LINGO2: variants seen among roughly 807,000 people sequenced by gnomAD.
LINGO2 encodes the protein leucine-rich repeat and immunoglobulin-like domain-containing nogo receptor-interacting protein 2.
LINGO2 carries 14 observed loss-of-function variants against 30.6 expected under a neutral mutation model. That is an observed-to-expected ratio of 0.46 (90% CI 0.30 to 0.72). LINGO2 has a LOEUF of 0.72. Among genes scored for constraint, LINGO2 ranks in the 30% least tolerant of loss-of-function variants. LINGO2 has a pLI of 0.07. For missense variants in LINGO2, 729 were observed against 751.7 expected (o/e 0.97, Z 0.35); for synonymous variants, 317 against 288.5 (o/e 1.10, Z -1.00).
At chr9:28,000,611 TCAGA>T (rs1821899429) in intron 5 of LINGO2, among the ~76,000 whole-genome samples, 1 of 152,194 alleles carries the variant, frequency 6.6e-6, no homozygotes, top group Non-Finnish European at 1.5e-5. Flanking sequence ...CCATATTCAA[TCAGA>T]CAAACATTTA....
the LINGO2 span, among the ~76,000 whole-genome samples, chr9:28,868,228 A>C: frequency 3.9e-5 from 6 of 152,082 alleles, no homozygotes; most frequent in Non-Finnish European, 8.8e-5. Context: ...CTTTCTGTGA[A>C]TAAGTCCTCA....
At chr9:28,859,147 A>G in the LINGO2 span, among the ~76,000 whole-genome samples, 1 of 152,096 alleles carries the variant, frequency 6.6e-6, no homozygotes, top group Non-Finnish European at 1.5e-5. Context: ...ATTTTCAAGA[A>G]TTTAAAGTTT....
intron 1 of LINGO2, among the ~76,000 whole-genome samples, chr9:28,622,566 A>G (rs1161494514): frequency 6.6e-6 from 1 of 151,978 alleles, no homozygotes; most frequent in Non-Finnish European, 1.5e-5. Flanking sequence ...CATTGTGCAT[A>G]TGTACCACAT....
chr9:28,215,421 T>C (rs1194453121), intron 4 of LINGO2, among the ~76,000 whole-genome samples: 1 of 151,810 alleles, frequency 6.6e-6, no homozygotes, highest in Non-Finnish European at 1.5e-5. Context: ...GGTAAAAATG[T>C]TGCGCATATA....
chr9:29,091,321 A>C, the LINGO2 span, among the ~76,000 whole-genome samples: 1 of 152,032 alleles, frequency 6.6e-6, no homozygotes, highest in Non-Finnish European at 1.5e-5. Flanking sequence ...CCCCATGTTT[A>C]GATTTATAGA....
chr9:28,255,472 C>G (rs1485009643), intron 4 of LINGO2, among the ~76,000 whole-genome samples: 1 of 152,058 alleles, frequency 6.6e-6, no homozygotes, highest in Non-Finnish European at 1.5e-5. Flanking sequence ...AACTGAACCT[C>G]TCTGTTACTT....
rs751908802 is a variant in LINGO2, at chr9:28,389,946, AC to A, written c.-278-17079del. Among the ~76,000 whole-genome samples the A allele has an allele frequency of 1.6e-3, 237 of 152,150 alleles. 1 individual carries two copies. Among genetic ancestry groups the A allele is most frequent in the Non-Finnish European group, 2.5e-3 (169 of 68,028 alleles). Reference sequence around the variant, plus strand: ...AATCTGGCCCTGGTTTCATGTTCCAACATTCCATGCTTCCTTTTCTTGATGT... The same window carrying A: ...AATCTGGCCCTGGTTTCATGTTCCAAATTCCATGCTTCCTTTTCTTGATGT... On this transcript the variant is annotated intron_variant, in intron 2 of 5. Coordinates refer to ENST00000379992, the Ensembl canonical transcript of LINGO2.
the LINGO2 span, among the ~76,000 whole-genome samples, chr9:29,077,587 CAAAATTGAACAACATT>C: frequency 0.2 from 29,970 of 151,730 alleles, 3,092 homozygotes; most frequent in African/African-American, 0.24. Context: ...TAAAACAAAG[CAAAATTGAACAACATT>C]AAGATTTTAG....
intron 4 of LINGO2, among the ~76,000 whole-genome samples, chr9:28,283,140 A>T (rs1288501812): frequency 6.6e-6 from 1 of 152,236 alleles, no homozygotes; most frequent in African/African-American, 2.4e-5. Flanking sequence ...ACTTAGAGAA[A>T]GAAAAATCCT....
chr9:28,256,483 G>T (rs959849067), intron 4 of LINGO2, among the ~76,000 whole-genome samples: 5 of 151,816 alleles, frequency 3.3e-5, no homozygotes, highest in African/African-American at 1.2e-4. Context: ...AAATGCAATA[G>T]ACAGACATCA....
At chr9:28,537,877 A>G (rs547920588) in intron 1 of LINGO2, among the ~76,000 whole-genome samples, 1 of 152,058 alleles carries the variant, frequency 6.6e-6, no homozygotes, top group African/African-American at 2.4e-5. Flanking sequence ...AATTAAAAAA[A>G]AAAAAAACTT....
chr9:29,008,665 C>A, the LINGO2 span, among the ~76,000 whole-genome samples: 1 of 152,136 alleles, frequency 6.6e-6, no homozygotes, highest in South Asian at 2.1e-4. Context: ...ATTTGCATTT[C>A]TCTGATGGCC....
the LINGO2 span, among the ~76,000 whole-genome samples, chr9:28,735,779 A>C: frequency 6.6e-6 from 1 of 152,150 alleles, no homozygotes; most frequent in African/African-American, 2.4e-5. Context: ...CTTAAAAAAA[A>C]AAATACTTGT....
intron 2 of LINGO2, among the ~76,000 whole-genome samples, chr9:28,473,059 A>G (rs1189748402): frequency 6.6e-6 from 1 of 152,176 alleles, no homozygotes; most frequent in Non-Finnish European, 1.5e-5. Flanking sequence ...TCAAGTAATT[A>G]CTACTGACAA....
At chr9:28,354,153 A>T (rs1386087958) in intron 3 of LINGO2, among the ~76,000 whole-genome samples, 3 of 143,180 alleles carry the variant, frequency 2.1e-5, no homozygotes, top group Non-Finnish European at 3.0e-5. Flanking sequence ...AAAGTTAATT[A>T]AAAAAAAAAT....
At chr9:28,968,507 C>A in the LINGO2 span, among the ~76,000 whole-genome samples, 1 of 152,112 alleles carries the variant, frequency 6.6e-6, no homozygotes, top group Admixed American at 6.6e-5. Context: ...ATATTAGAAG[C>A]TACCCTACCT....
At chr9:28,256,856 T>C (rs1379982437) in intron 4 of LINGO2, among the ~76,000 whole-genome samples, 1 of 151,902 alleles carries the variant, frequency 6.6e-6, no homozygotes, top group African/African-American at 2.4e-5. Flanking sequence ...TTTAATAATT[T>C]TGGTATTTTC....
At chr9:29,004,616 A>G in the LINGO2 span, among the ~76,000 whole-genome samples, 4 of 152,104 alleles carry the variant, frequency 2.6e-5, no homozygotes, top group African/African-American at 7.2e-5. Flanking sequence ...ACTGAGACAC[A>G]TAGAATGCAA....
the LINGO2 span, among the ~76,000 whole-genome samples, chr9:29,180,673 G>A: frequency 6.6e-6 from 1 of 152,130 alleles, no homozygotes; most frequent in Non-Finnish European, 1.5e-5. Context: ...CTTCCCCCAT[G>A]AAGGAATCAC....
Sources: allele counts gnomAD v4.1 joint callset (sites outside exome capture counted in the v4.1 genomes callset), GRCh38; gene constraint gnomAD v4.1.1; transcripts MANE v1.5; gene names NCBI Gene and HGNC (gene_info 2026-07-23, HGNC 2026-07-21).